Variants in NGB observed in about 807,000 individuals in gnomAD.
NGB encodes the protein neuroglobin.
NGB carries 12 observed loss-of-function variants against 17.3 expected under a neutral mutation model. The ratio of observed to expected loss-of-function variants is 0.69; its 90% CI spans 0.45 to 1.13. The LOEUF (loss-of-function observed/expected upper bound fraction) is 1.13, where lower values mean the gene tolerates loss of function less well. NGB is among the 50% of genes most tolerant of loss of function. The pLI is 0.00. For synonymous variants in NGB, 87 were observed against 81.0 expected (o/e 1.07, Z -0.40); for missense variants, 195 against 191.7 (o/e 1.02, Z -0.10).
At position 77,268,713 on chromosome 14, in the gene NGB, G is replaced by T. The variant is rs1889708361; in HGVS notation, c.202-128C>A. ...AGGACCCTCAGTTCTCCAAGATCAG[G>T]GGTCAAAGGCAGCCTGTGTCTACTA... On this transcript the variant is annotated intron_variant, in intron 2 of 3. Coordinates refer to ENST00000298352, the MANE Select transcript of NGB (RefSeq NM_021257.4). The T allele has an allele frequency of 3.1e-6, 4 of 1,309,896 alleles. No homozygotes were observed. The Middle Eastern group carries it at 6.2e-4, about 203-fold the overall frequency. 81.1% of individuals were successfully genotyped at this position (1,309,896 alleles called of 1,614,324 possible). A position where few individuals can be genotyped will look rare whatever the true frequency, so the allele number is the denominator to read the frequency against.
chr14:77,268,515 C>A lies in NGB; in HGVS notation c.272G>T (p.Ser91Ile). The change falls in exon 3 of 4, where the codon AGC (serine) becomes ATC (isoleucine). Residue 91 changes from serine (S) to isoleucine (I), a missense_variant. Physicochemically the swap from Ser to Ile is moderately radical, Grantham distance 142 (BLOSUM62 -2). Transcript: ENST00000298352. Reference protein sequence around the residue: ...DLSSLEEYLASLGRKHRAVGV... With the variant: ...DLSSLEEYLAILGRKHRAVGV... ...CACTGCCCGGTGCTTCCTGCCCAGG[C>A]TGGCAAGGTACTCCTCCAGTGAGGA... 2 of 1,613,760 alleles carry A rather than the reference C, an allele frequency of 1.2e-6. No homozygotes were observed. The highest frequency in any genetic ancestry group is 1.7e-6 in the Non-Finnish European group (2 of 1,179,992).
At position 77,269,229 on chromosome 14, in the gene NGB, C is replaced by T. The variant is rs763522424; in HGVS notation, c.187G>A (p.Asp63Asn). 1 of 1,548,324 alleles carries T rather than the reference C, an allele frequency of 6.5e-7. No homozygotes were observed. Among genetic ancestry groups the T allele is most frequent in the South Asian group, 1.2e-5 (1 of 83,988 alleles). Residue 63 changes from aspartate (D) to asparagine (N), a missense_variant, in exon 2 of 4, where the codon GAC (aspartate) becomes AAC (asparagine). By Grantham distance (23) the Asp-to-Asn change is conservative. Coordinates refer to ENST00000298352, the MANE Select transcript of NGB (RefSeq NM_021257.4). ...CTCCCTCTCACCTTCCTGATGTGGT[C>T]CAGGAACTCAGGCGAGGAGAGACAG... Reference protein sequence around the residue: ...EDCLSSPEFLDHIRKVMLVID... With the variant: ...EDCLSSPEFLNHIRKVMLVID...
rs1594876895 is a variant in NGB at position 77,269,727 on chromosome 14, T to C, written c.90-401A>G. ...CTCTCTCTCTCTCTCTCTCTCTCTC[T>C]TCTCTCTCTCTCTCTCTCTCTCTCT... On this transcript the variant is annotated intron_variant, in intron 1 of 3. Coordinates refer to ENST00000298352, the MANE Select transcript of NGB (RefSeq NM_021257.4). Among the ~76,000 whole-genome samples the C allele has an allele frequency of 4.5e-3, 13 of 2,898 alleles. 1 individual carries two copies. Among genetic ancestry groups the C allele is most frequent in the Non-Finnish European group, 6.6e-3 (9 of 1,366 alleles). 1.9% of individuals were successfully genotyped at this position (2,898 alleles called of 152,430 possible).
chr14:77,271,198 A>C lies in NGB; in HGVS notation c.-261T>G. ...GCGCCCTGCGCCCCGCAGCCGCCAG[A>C]GCCGCCCCACCCCGCGACGCCTGGG... On this transcript the variant is annotated 5_prime_UTR_variant, in exon 1 of 4. Coordinates refer to ENST00000298352, the MANE Select transcript of NGB (RefSeq NM_021257.4). 5.1e-6 allele frequency: 2 copies of C among 391,794 alleles called. No homozygotes were observed. The highest frequency in any genetic ancestry group is 1.1e-4 in the South Asian group (2 of 17,612). The allele number at this position is 391,794 out of a possible 1,614,324, so 24.3% of individuals were successfully genotyped here.
intron 2 of NGB, 90 bp downstream of exon 2, chr14:77,269,125 A>G: frequency 1.2e-6 from 1 of 823,934 alleles, no homozygotes; most frequent in South Asian, 1.6e-5. Flanking sequence ...GTAAGACTAG[A>G]CCTGGGGCAG....
In NGB at chr14:77,271,092, T is replaced by C. The variant is rs1889771651; in HGVS notation, c.-155A>G. Reference sequence around the variant, plus strand: ...GCGGGGGCCGCAGCCGCTCCTTCCCTGGCGCGGGAGAGAAAAGGCGCGCGG... The same window carrying C: ...GCGGGGGCCGCAGCCGCTCCTTCCCCGGCGCGGGAGAGAAAAGGCGCGCGG... On this transcript the variant is annotated 5_prime_UTR_variant, in exon 1 of 4. Transcript: ENST00000298352. 7.4e-6 allele frequency: 4 copies of C among 541,596 alleles called. No individual in the cohort carries two copies. In the East Asian group the frequency reaches 1.4e-4, roughly 19 times the overall value. 33.5% of individuals were successfully genotyped at this position (541,596 alleles called of 1,614,324 possible). A position where few individuals can be genotyped will look rare whatever the true frequency, so the allele number is the denominator to read the frequency against.
chr14:77,268,894 A>C (rs1437708974), intron 2 of NGB, among the ~76,000 whole-genome samples: 1 of 152,210 alleles, frequency 6.6e-6, no homozygotes, highest in Non-Finnish European at 1.5e-5. Context: ...GAGAATCATG[A>C]GATTCTAAGA....
chr14:77,267,513 C>G (rs28988624), intron 3 of NGB, among the ~76,000 whole-genome samples: 2,431 of 152,092 alleles, frequency 0.016, 25 homozygotes, highest in Non-Finnish European at 0.023. Flanking sequence ...TGTACTCCAG[C>G]CTAGGCGACA....
intron 3 of NGB, 145 bp downstream of exon 3, chr14:77,268,321 A>C (rs1237356834): frequency 2.5e-6 from 2 of 784,494 alleles, no homozygotes; most frequent in Admixed American, 5.7e-5. Flanking sequence ...TCAGGGCCAC[A>C]CAGCAGGTAA....
intron 2 of NGB, 81 bp from the exon 3 acceptor site, chr14:77,268,666 T>C: frequency 3.2e-6 from 5 of 1,576,152 alleles, no homozygotes; most frequent in Non-Finnish European, 4.3e-6. Context: ...GGCATGAGGG[T>C]CCCAAAGCAA....
rs749676611 is a variant in NGB at position 77,266,541 on chromosome 14, C to T, written c.451G>A (p.Glu151Lys). Residue 151 changes from glutamate to lysine, a missense_variant, in exon 4 of 4, where the codon GAG becomes AAG. Glu to Lys is a moderately conservative substitution (Grantham distance 56). Transcript: ENST00000298352. ...CTGCCGGGCGGGGTCGCCTCTTACT[C>T]GCCATCCCAGCCTCGACTCATGGCC... ...VQAMSRGWDGE is the reference protein window; with the variant it reads ...VQAMSRGWDGK 12 of 1,612,046 alleles carry T rather than the reference C, an allele frequency of 7.4e-6. No individual in the cohort carries two copies. In the Admixed American group the frequency reaches 8.4e-5, roughly 11 times the overall value.
At chr14:77,270,732 GC>G in intron 1 of NGB, 116 bp downstream of exon 1, 1 of 903,066 alleles carries the variant, frequency 1.1e-6, no homozygotes, top group Non-Finnish European at 1.7e-6. Flanking sequence ...TCTGGCAGGC[GC>G]CCCAGCGCCC....
chr14:77,266,820 T>C, intron 3 of NGB, 150 bp from the exon 4 acceptor site: 1 of 800,410 alleles, frequency 1.2e-6, no homozygotes. Context: ...AGCAGGGTCC[T>C]ACCCAAATCC....
At chr14:77,269,104 A>C in intron 2 of NGB, 111 bp downstream of exon 2, 2 of 673,690 alleles carry the variant, frequency 3.0e-6, no homozygotes. Flanking sequence ...GCTTGGGGGA[A>C]CTGGAAGGGA....
intron 3 of NGB, 85 bp downstream of exon 3, chr14:77,268,381 G>T: frequency 7.0e-7 from 1 of 1,436,966 alleles, no homozygotes; most frequent in Admixed American, 1.9e-5. Flanking sequence ...GAATGGGAGA[G>T]AGAACAGGTG....
rs1381144172 is a variant in NGB, at chr14:77,271,001, T to G, written c.-64A>C. 1.6e-6 allele frequency: 2 copies of G among 1,247,884 alleles called. No individual in the cohort carries two copies. The highest frequency in any genetic ancestry group is 2.2e-6 in the Non-Finnish European group (2 of 923,922). 77.3% of individuals were successfully genotyped at this position (1,247,884 alleles called of 1,614,324 possible). A position where few individuals can be genotyped will look rare whatever the true frequency, so the allele number is the denominator to read the frequency against. ...AGGGCTCGGGTGCCGTCACCGCACG[T>G]GCCGCGCCATCTCCTCCGCGACGCG... On this transcript the variant is annotated 5_prime_UTR_variant, in exon 1 of 4. Coordinates refer to ENST00000298352, the MANE Select transcript of NGB (RefSeq NM_021257.4).
chr14:77,270,573 G>A (rs1044594605), intron 1 of NGB, among the ~76,000 whole-genome samples: 2 of 152,228 alleles, frequency 1.3e-5, no homozygotes, highest in African/African-American at 4.8e-5. Context: ...CCCAGATGTG[G>A]GGAGATCCGC....
chr14:77,269,486 G>A (rs556338050), intron 1 of NGB, among the ~76,000 whole-genome samples, 160 bp from the exon 2 acceptor site: 38 of 152,224 alleles, frequency 2.5e-4, no homozygotes, highest in South Asian at 1.0e-3. Context: ...CGCCAGCTTC[G>A]GTAGTGCCCT....
At position 77,265,920 on chromosome 14, in the gene NGB, G is replaced by GA. The variant is rs2140141425; in HGVS notation, c.*615_*616insT. 5.2e-6 allele frequency: 1 copy of GA among 194,002 alleles called. No homozygotes were observed. The highest frequency in any genetic ancestry group is 4.9e-5 in the Admixed American group (1 of 20,386). The allele number at this position is 194,002 out of a possible 1,614,324, so 12.0% of individuals were successfully genotyped here. A position where few individuals can be genotyped will look rare whatever the true frequency, so the allele number is the denominator to read the frequency against. On this transcript the variant is annotated 3_prime_UTR_variant, in exon 4 of 4. Transcript: ENST00000298352. The surrounding 1 kb of genome is among the most constrained non-coding windows in gnomAD (Gnocchi z 4.7). ...AATGCCGCCAAAGGAAACCGACTCT[G>GA]TCAGGGCATCTGCACAGCCCGCGAG...
Sources: gnomAD v4.1 joint callset for allele counts (sites outside exome capture counted in the v4.1 genomes callset) on GRCh38, gnomAD v4.1.1 for gene constraint, Gnocchi (gnomAD v3.1) non-coding constraint, MANE v1.5 for transcripts, NCBI Gene and HGNC (gene_info 2026-07-23, HGNC 2026-07-21) for gene names.